Variants in METTL8 observed in about 807,000 individuals in gnomAD.
METTL8 encodes the protein methyltransferase 8, tRNA N3-cytidine, also known as tRNA N(3)-cytidine methyltransferase METTL8, mitochondrial.
A neutral mutation model predicts 48.7 loss-of-function variants in METTL8; 32 were observed. The observed-to-expected ratio is 0.66, with a 90% CI of 0.50 to 0.88. METTL8 has a LOEUF of 0.88. Among genes scored for constraint, METTL8 ranks in the 40% least tolerant of loss-of-function variants. The probability of loss-of-function intolerance (pLI) is 0.00; values close to 1 mark genes in which losing one functional copy is unlikely to be tolerated. For missense variants in METTL8, 464 were observed against 474.4 expected (o/e 0.98, Z 0.20); for synonymous variants, 136 against 157.1 (o/e 0.87, Z 1.01).
intron 7 of METTL8, among the ~76,000 whole-genome samples, chr2:171,326,534 C>T (rs1209387845): frequency 6.6e-6 from 1 of 152,116 alleles, no homozygotes; most frequent in African/African-American, 2.4e-5. Context: ...AAAAATATGC[C>T]AAAGCCATCC....
In METTL8 at chr2:171,328,926, T is replaced by C. The variant is rs1329850338; in HGVS notation, c.860+1633A>G. Among the ~76,000 whole-genome samples, 6 of 152,080 alleles carry C rather than the reference T, an allele frequency of 3.9e-5. No individual in the cohort carries two copies. In the East Asian group the frequency reaches 9.6e-4, roughly 24 times the overall value. On this transcript the variant is annotated intron_variant, in intron 7 of 9. Transcript: ENST00000375258. ...CTGGTCTTGAACTCCTGACCTCAGG[T>C]GATCCACCCGCCTTGGCATCCCAAA...
At chr2:171,364,438 T>G (rs1685516743) in intron 2 of METTL8, among the ~76,000 whole-genome samples, 2 of 152,030 alleles carry the variant, frequency 1.3e-5, no homozygotes, top group African/African-American at 4.8e-5. Context: ...GGGCAGAAAG[T>G]ACAAAATATA....
chr2:171,411,612 C>T (rs982724571), intron 1 of METTL8, among the ~76,000 whole-genome samples: 1 of 152,030 alleles, frequency 6.6e-6, no homozygotes, highest in East Asian at 1.9e-4. Context: ...AAGAAAAGGG[C>T]CACCCGTTTG....
chr2:171,434,143 G>A (rs1693550926), upstream of METTL8: 2 of 345,892 alleles, frequency 5.8e-6, no homozygotes, highest in African/African-American at 2.2e-5. Flanking sequence ...TCCGCGGGCC[G>A]GAGGAGGCGG....
intron 3 of METTL8, among the ~76,000 whole-genome samples, chr2:171,352,310 C>T (rs569736440): frequency 3.3e-4 from 50 of 152,248 alleles, no homozygotes; most frequent in Non-Finnish European, 6.2e-4. Context: ...AGGGATGAAG[C>T]CCATTTGGTC....
chr2:171,425,344 AC>A (rs1692294961), intron 1 of METTL8, among the ~76,000 whole-genome samples: 2 of 152,072 alleles, frequency 1.3e-5, no homozygotes, highest in East Asian at 3.9e-4. Flanking sequence ...TCCCCAAGAG[AC>A]CCCCTCATCC....
chr2:171,409,564 C>A (rs989245336), intron 1 of METTL8, among the ~76,000 whole-genome samples: 4 of 152,108 alleles, frequency 2.6e-5, no homozygotes, highest in African/African-American at 9.7e-5. Flanking sequence ...CCCCAGCTTT[C>A]CTTTCTCCCC....
intron 7 of METTL8, among the ~76,000 whole-genome samples, chr2:171,330,358 C>T (rs1457368718): frequency 6.6e-6 from 1 of 152,266 alleles, no homozygotes; most frequent in African/African-American, 2.4e-5. Context: ...TGACAGAAAG[C>T]TCATTAATGA....
At chr2:171,343,420 C>T (rs1559076174) in intron 3 of METTL8, among the ~76,000 whole-genome samples, 1 of 150,588 alleles carries the variant, frequency 6.6e-6, no homozygotes, top group Non-Finnish European at 1.5e-5. Context: ...GCCTGGGCAA[C>T]AGGAGTGAAA....
chr2:171,323,058 T>G lies in METTL8; in HGVS notation c.*1114A>C, dbSNP rs996575275. 6.6e-6 allele frequency: 1 copy of G among 152,166 alleles called. No individual in the cohort carries two copies. The highest frequency in any genetic ancestry group is 1.5e-5 in the Non-Finnish European group (1 of 68,022). 9.4% of individuals were successfully genotyped at this position (152,166 alleles called of 1,614,324 possible). A position where few individuals can be genotyped will look rare whatever the true frequency, so the allele number is the denominator to read the frequency against. On this transcript the variant is annotated 3_prime_UTR_variant, in exon 10 of 10. Coordinates refer to ENST00000375258, the MANE Select transcript of METTL8 (RefSeq NM_001321154.2). ...ACCTGTTTTATCAGCAAGGTCTGTA[T>G]GACCTGTATCTTGTACTGACTTCCT...
At chr2:171,336,763 A>G (rs1233288137) in intron 5 of METTL8, among the ~76,000 whole-genome samples, 2 of 152,040 alleles carry the variant, frequency 1.3e-5, no homozygotes, top group African/African-American at 4.8e-5. Flanking sequence ...CTTTACATTC[A>G]ATTGTCTATG....
chr2:171,429,054 C>T (rs1382801670), intron 1 of METTL8, among the ~76,000 whole-genome samples: 1 of 151,658 alleles, frequency 6.6e-6, no homozygotes, highest in Non-Finnish European at 1.5e-5. Flanking sequence ...GGATTTTGTA[C>T]ACATATCTTC....
In METTL8 at chr2:171,388,692, A is replaced by C. The variant is rs180765167; in HGVS notation, c.143+3351T>G. 1.3e-3 allele frequency among the ~76,000 whole-genome samples: 194 copies of C among 152,344 alleles called. 2 individuals carry two copies. The highest frequency in any genetic ancestry group is 0.01 in the Middle Eastern group (3 of 294). On this transcript the variant is annotated intron_variant, in intron 2 of 9. Coordinates refer to ENST00000375258, the MANE Select transcript of METTL8 (RefSeq NM_001321154.2). Reference sequence around the variant, plus strand: ...CTTCACAGCTATTGCATTTTTTACAAATTGAAGGTTTGTGGCAACCCTGCA... The same window carrying C: ...CTTCACAGCTATTGCATTTTTTACACATTGAAGGTTTGTGGCAACCCTGCA...
At position 171,360,464 on chromosome 2, in the gene METTL8, C is replaced by CT; in HGVS notation, c.192dup (p.Val65SerfsTer16). The CT allele has an allele frequency of 6.2e-7, 1 of 1,613,770 alleles. No individual in the cohort carries two copies. The highest frequency in any genetic ancestry group is 1.1e-5 in the South Asian group (1 of 91,056). ...ACTCGCACAGCTGAGTTTTCTTTTA[C>CT]TTTTTTTCTGGCTGCTGCTTCTTCT... is the stretch of plus-strand genomic sequence containing the variant. On this transcript the variant is annotated frameshift_variant, in exon 3 of 10. Coordinates refer to ENST00000375258, the MANE Select transcript of METTL8 (RefSeq NM_001321154.2). LOFTEE classifies it high-confidence loss of function.
chr2:171,345,512 G>C (rs1441139899), intron 3 of METTL8, among the ~76,000 whole-genome samples: 1 of 152,144 alleles, frequency 6.6e-6, no homozygotes, highest in Non-Finnish European at 1.5e-5. Context: ...TTAAAAGTAT[G>C]TTTCTAAGAG....
chr2:171,343,659 T>G (rs1235279275), intron 3 of METTL8, among the ~76,000 whole-genome samples: 3 of 152,180 alleles, frequency 2.0e-5, no homozygotes, highest in Admixed American at 2.0e-4. Context: ...ACACAAAGAT[T>G]AAAGAATCTT....
chr2:171,399,719 C>T lies in METTL8; in HGVS notation c.-12-7522G>A, dbSNP rs73976152. ...GGTAAAATGTATGTAATGCACATGACAAAATACCTCTTAACTGCAAATTTT... is the reference window on the plus strand; with the variant it reads ...GGTAAAATGTATGTAATGCACATGATAAAATACCTCTTAACTGCAAATTTT... On this transcript the variant is annotated intron_variant, in intron 1 of 9. Coordinates refer to ENST00000375258, the MANE Select transcript of METTL8 (RefSeq NM_001321154.2). 9.0e-3 allele frequency among the ~76,000 whole-genome samples: 1,363 copies of T among 152,196 alleles called. 19 individuals carry two copies. The highest frequency in any genetic ancestry group is 0.031 in the African/African-American group (1,296 of 41,516).
chr2:171,414,059 T>C (rs1197218633), intron 1 of METTL8, among the ~76,000 whole-genome samples: 1 of 152,216 alleles, frequency 6.6e-6, no homozygotes, highest in Non-Finnish European at 1.5e-5. Flanking sequence ...ATACAAATAT[T>C]AATTTTTAGA....
chr2:171,414,353 G>A (rs1691068527), intron 1 of METTL8, among the ~76,000 whole-genome samples: 1 of 151,260 alleles, frequency 6.6e-6, no homozygotes, highest in Non-Finnish European at 1.5e-5. Context: ...GGAGGCGGAG[G>A]ATGCGGTGAG....
Sources: gnomAD v4.1 joint callset for allele counts (sites outside exome capture counted in the v4.1 genomes callset) on GRCh38, gnomAD v4.1.1 for gene constraint, MANE v1.5 for transcripts, NCBI Gene and HGNC (gene_info 2026-07-23, HGNC 2026-07-21) for gene names.